Variants in DAB2IP observed in about 807,000 individuals in gnomAD.
DAB2IP encodes disabled homolog 2-interacting protein.
Under a neutral mutation model 107.2 loss-of-function variants are expected in DAB2IP, and 28 were observed. The ratio of observed to expected loss-of-function variants is 0.26; its 90% confidence interval spans 0.19 to 0.36. The LOEUF (loss-of-function observed/expected upper bound fraction) is 0.36, where lower values mean the gene tolerates loss of function less well. Among genes scored for constraint, DAB2IP ranks in the 10% least tolerant of loss-of-function variants. The pLI, the probability that DAB2IP is intolerant of heterozygous loss-of-function variation, is 1.00. For missense variants in DAB2IP, 1,400 were observed against 1,644.7 expected (o/e 0.85, Z 2.57); for synonymous variants, 755 against 706.4 (o/e 1.07, Z -1.09).
At chr9:121,606,229 T>C (rs978517938) in intron 1 of DAB2IP, among the ~76,000 whole-genome samples, 26 of 151,992 alleles carry the variant, frequency 1.7e-4, no homozygotes, top group African/African-American at 6.0e-4. Flanking sequence ...CCAGGTGTGG[T>C]GGTGCATGCC....
At chr9:121,610,260 G>A (rs923892500) in intron 1 of DAB2IP, among the ~76,000 whole-genome samples, 4 of 152,142 alleles carry the variant, frequency 2.6e-5, no homozygotes, top group African/African-American at 9.7e-5. Flanking sequence ...CATTTGCTCT[G>A]CCTCACATTG....
At chr9:121,651,236 G>A (rs139359183), upstream of DAB2IP, among the ~76,000 whole-genome samples, 1,989 of 152,348 alleles carry the variant, frequency 0.013, 36 homozygotes, top group Non-Finnish European at 0.02. This position sits in a 1 kb window ranked among gnomAD's most constrained non-coding sequence, Gnocchi z 5.1. Context: ...AGGGCCTGCG[G>A]AGCAGTGAGG....
chr9:121,641,995 T>TTCTCTCTC (rs71370683), intron 1 of DAB2IP, among the ~76,000 whole-genome samples: 758 of 34,594 alleles, frequency 0.022, 19 homozygotes, highest in Admixed American at 0.029. Context: ...TTTCTTTCCT[T>TTCTCTCTC]TCTCTCTCTC....
At chr9:121,574,080 C>T (rs75305251) in intron 1 of DAB2IP, among the ~76,000 whole-genome samples, 3,642 of 152,238 alleles carry the variant, frequency 0.024, 181 homozygotes, top group African/African-American at 0.083. Context: ...CATCAGGGGG[C>T]CTGATATCAT....
chr9:121,760,306 A>G lies in DAB2IP; in HGVS notation c.1037A>G (p.Lys346Arg), dbSNP rs1564208556. Residue 346 changes from lysine (K) to arginine (R), a missense_variant, in exon 6 of 16, where the codon AAA (lysine) becomes AGA (arginine). This residue lies in a region of DAB2IP where 517 missense variants were observed against 748.6 expected (regional missense o/e 0.69). Coordinates refer to ENST00000408936, the Ensembl canonical transcript of DAB2IP. This position sits in a 1 kb window ranked among gnomAD's most constrained non-coding sequence, Gnocchi z 5.9. Reference sequence around the variant, plus strand: ...ACCATCCTGCCCATGGAGATGTACAAAGAGTTCGCTGAGCACATCACCAAC... The same window carrying G: ...ACCATCCTGCCCATGGAGATGTACAGAGAGTTCGCTGAGCACATCACCAAC... 1.2e-6 allele frequency: 2 copies of G among 1,613,744 alleles called. No individual in the cohort carries two copies. Among genetic ancestry groups the G allele is most frequent in the Non-Finnish European group, 1.7e-6 (2 of 1,180,018 alleles).
At position 121,762,178 on chromosome 9, in the gene DAB2IP, C is replaced by T. The variant is rs75384826; in HGVS notation, c.1171-1327C>T. Among the ~76,000 whole-genome samples, 776 of 152,318 alleles carry T rather than the reference C, an allele frequency of 5.1e-3. 8 individuals carry two copies. The highest frequency in any genetic ancestry group is 0.018 in the African/African-American group (739 of 41,568). The stretch of plus-strand genomic sequence containing the variant: ...TAGAGGAGTAACGGAGTCTGGGAAG[C>T]AAGGGACTTGGACCAGATCTGGCCC... On this transcript the variant is annotated intron_variant, in intron 6 of 15. Transcript: ENST00000408936.
intron 1 of DAB2IP, among the ~76,000 whole-genome samples, chr9:121,611,543 C>T (rs1039646036): frequency 8.6e-5 from 13 of 152,020 alleles, no homozygotes; most frequent in Admixed American, 4.6e-4. Context: ...CTATAAATTG[C>T]GGATAATAAT....
chr9:121,766,554 C>A (rs756939082), exon 9 of DAB2IP: 4 of 1,613,080 alleles, frequency 2.5e-6, no homozygotes, highest in Non-Finnish European at 3.4e-6. Context: ...GCAGCAGTCG[C>A]GGCCGCCCGG....
At chr9:121,727,084 CAGTTGAAT>C (rs1469637295) in intron 3 of DAB2IP, among the ~76,000 whole-genome samples, 2 of 152,180 alleles carry the variant, frequency 1.3e-5, no homozygotes, top group African/African-American at 4.8e-5. Flanking sequence ...GGCAGGGGGA[CAGTTGAAT>C]GAGTGCCAGC....
intron 1 of DAB2IP, among the ~76,000 whole-genome samples, chr9:121,604,886 AC>A (rs1339018927): frequency 6.6e-6 from 1 of 151,812 alleles, no homozygotes; most frequent in African/African-American, 2.4e-5. Flanking sequence ...CCGTGCCTGC[AC>A]CCCCCTCCTC....
At chr9:121,623,980 T>G (rs922072303) in intron 1 of DAB2IP, among the ~76,000 whole-genome samples, 4 of 152,360 alleles carry the variant, frequency 2.6e-5, no homozygotes, top group Admixed American at 2.0e-4. Flanking sequence ...CATTTTCTAA[T>G]GAGAGAAACC....
At chr9:121,623,773 C>T (rs1001710038) in intron 1 of DAB2IP, among the ~76,000 whole-genome samples, 5 of 151,668 alleles carry the variant, frequency 3.3e-5, no homozygotes, top group African/African-American at 7.3e-5. Flanking sequence ...TTGCCACCTC[C>T]GCCTCCTGGG....
At chr9:121,653,288 C>T (rs1832836471) in intron 1 of DAB2IP, among the ~76,000 whole-genome samples, 1 of 146,390 alleles carries the variant, frequency 6.8e-6, no homozygotes, top group African/African-American at 2.6e-5. Flanking sequence ...GTACTAAAGA[C>T]CTGGGGAAGG....
At chr9:121,748,921 T>C (rs73664518) in intron 3 of DAB2IP, among the ~76,000 whole-genome samples, 1,631 of 152,182 alleles carry the variant, frequency 0.011, 39 homozygotes, top group African/African-American at 0.038. Context: ...GGGCGTTCTG[T>C]GTGTATGGGG....
intron 2 of DAB2IP, among the ~76,000 whole-genome samples, chr9:121,694,963 A>C (rs1232823451): frequency 1.3e-5 from 2 of 152,148 alleles, no homozygotes; most frequent in Non-Finnish European, 2.9e-5. Flanking sequence ...ATAGAGGCAG[A>C]GTGCCCCATC....
At chr9:121,686,694 CT>C (rs1828897371) in intron 2 of DAB2IP, among the ~76,000 whole-genome samples, 1 of 152,202 alleles carries the variant, frequency 6.6e-6, no homozygotes, top group Non-Finnish European at 1.5e-5. Context: ...GCCCCACTCT[CT>C]TTCCCTGTCT....
exon 16 of DAB2IP, chr9:121,784,529 A>G (rs1564242157): frequency 1.3e-5 from 2 of 154,436 alleles, no homozygotes; most frequent in Non-Finnish European, 2.9e-5. Flanking sequence ...AGCCTTATTT[A>G]CCTAGTGCAA....
At chr9:121,640,571 T>C (rs1832249275) in intron 1 of DAB2IP, among the ~76,000 whole-genome samples, 1 of 152,096 alleles carries the variant, frequency 6.6e-6, no homozygotes, top group Non-Finnish European at 1.5e-5. Flanking sequence ...CCCCACACCA[T>C]GTCCTCTGGG....
chr9:121,719,253 G>A (rs1013494174), intron 3 of DAB2IP, among the ~76,000 whole-genome samples: 15 of 152,200 alleles, frequency 9.9e-5, no homozygotes, highest in Non-Finnish European at 1.9e-4. Flanking sequence ...CCAAGGACAC[G>A]TAAGAAGTTG....
Sources: allele counts gnomAD v4.1 joint callset (sites outside exome capture counted in the v4.1 genomes callset), GRCh38; gene constraint gnomAD v4.1.1; regional missense constraint gnomAD v4.1.1; non-coding constraint Gnocchi (gnomAD v3.1); transcripts MANE v1.5; gene names NCBI Gene and HGNC (gene_info 2026-07-23, HGNC 2026-07-21).